DTD1: variants seen among roughly 807,000 people sequenced by gnomAD.
DTD1 encodes the protein D-aminoacyl-tRNA deacylase 1.
Under a neutral mutation model 25.6 loss-of-function variants are expected in DTD1, and 13 were observed. That is an observed-to-expected ratio of 0.51 (90% CI 0.33 to 0.81). The LOEUF (loss-of-function observed/expected upper bound fraction) is 0.81, where lower values mean the gene tolerates loss of function less well. Ranked by LOEUF, DTD1 falls within the 30% of genes least tolerant of loss-of-function variation. The probability of loss-of-function intolerance (pLI) is 0.02; values close to 1 mark genes in which losing one functional copy is unlikely to be tolerated. For missense variants in DTD1, 193 were observed against 266.4 expected, an observed-to-expected ratio of 0.72 and a Z score of 1.92; for synonymous variants, 110 against 103.6, an observed-to-expected ratio of 1.06 and a Z score of -0.37.
intron 4 of DTD1, among the ~76,000 whole-genome samples, chr20:18,670,869 G>GT (rs1568664099): frequency 6.6e-6 from 1 of 152,204 alleles, no homozygotes; most frequent in Non-Finnish European, 1.5e-5. Context: ...ACAGAAAAAC[G>GT]TGAGTCTCAA....
Position 18,698,272 on chromosome 20 carries a change from A to G in DTD1, c.478-45828A>G, listed in dbSNP as rs369097416. ...ATATTAAACACATGTACACTGGGCAATAGAGTCTGTCGAACCCCTATGTGT... is the reference window on the plus strand; with the variant it reads ...ATATTAAACACATGTACACTGGGCAGTAGAGTCTGTCGAACCCCTATGTGT... On this transcript the variant is annotated intron_variant, in intron 4 of 5. Transcript: ENST00000377452. Among the ~76,000 whole-genome samples the G allele has an allele frequency of 3.9e-5, 6 of 152,362 alleles. No homozygotes were observed. The South Asian group carries it at 6.2e-4, about 16-fold the overall frequency.
intron 4 of DTD1, among the ~76,000 whole-genome samples, chr20:18,683,978 A>G (rs1394385573): frequency 6.6e-6 from 1 of 152,110 alleles, no homozygotes; most frequent in Non-Finnish European, 1.5e-5. Context: ...AGTAGGAGCA[A>G]TTCCTTTTTC....
At chr20:18,612,488 T>A (rs1434846778) in intron 3 of DTD1, among the ~76,000 whole-genome samples, 1 of 152,140 alleles carries the variant, frequency 6.6e-6, no homozygotes, top group Non-Finnish European at 1.5e-5. Context: ...TGAGGATTAC[T>A]GCCATTCTGT....
chr20:18,732,540 A>G (rs2061242123), intron 4 of DTD1, among the ~76,000 whole-genome samples: 1 of 152,222 alleles, frequency 6.6e-6, no homozygotes, highest in Non-Finnish European at 1.5e-5. Context: ...GGAAATGGTT[A>G]CTTCTGTCCT....
chr20:18,599,321 C>T (rs2060624355), intron 3 of DTD1, among the ~76,000 whole-genome samples: 1 of 151,868 alleles, frequency 6.6e-6, no homozygotes, highest in African/African-American at 2.4e-5. Context: ...ATTACAGGTG[C>T]GTGCCACCAC....
intron 4 of DTD1, among the ~76,000 whole-genome samples, chr20:18,730,708 A>G (rs2061236859): frequency 6.6e-6 from 1 of 152,198 alleles, no homozygotes; most frequent in Admixed American, 6.5e-5. Flanking sequence ...TGGCATTTGT[A>G]TAACTCATTT....
chr20:18,728,057 G>A lies in DTD1; in HGVS notation c.478-16043G>A, dbSNP rs1019705645. Reference sequence around the variant, plus strand: ...AGGAACATTGTGAGTGTGTGGGATAGGGGATGGGAGGGGCATGGGTAGGAC... The same window carrying A: ...AGGAACATTGTGAGTGTGTGGGATAAGGGATGGGAGGGGCATGGGTAGGAC... On this transcript the variant is annotated intron_variant, in intron 4 of 5. Coordinates refer to ENST00000377452, the MANE Select transcript of DTD1 (RefSeq NM_080820.6). Among the ~76,000 whole-genome samples the A allele has an allele frequency of 1.6e-4, 25 of 152,212 alleles. 1 individual carries two copies. Among genetic ancestry groups the A allele is most frequent in the Non-Finnish European group, 2.9e-5 (2 of 68,038 alleles).
chr20:18,613,849 G>A (rs2060698357), intron 3 of DTD1, among the ~76,000 whole-genome samples: 1 of 152,176 alleles, frequency 6.6e-6, no homozygotes, highest in Admixed American at 6.5e-5. Context: ...CCCATGCAGA[G>A]TGTTGTTGAT....
chr20:18,763,155 A>C (rs2061369338), intron 5 of DTD1, among the ~76,000 whole-genome samples: 1 of 152,178 alleles, frequency 6.6e-6, no homozygotes, highest in South Asian at 2.1e-4. Flanking sequence ...AATGAACTGG[A>C]GACTCTTTGA....
At chr20:18,658,677 C>T (rs534589274) in intron 4 of DTD1, among the ~76,000 whole-genome samples, 7 of 152,330 alleles carry the variant, frequency 4.6e-5, no homozygotes, top group African/African-American at 1.4e-4. Context: ...AGAGGAAGAT[C>T]TCTGACTTTA....
At chr20:18,752,846 G>T (rs2091812062) in intron 5 of DTD1, among the ~76,000 whole-genome samples, 1 of 152,122 alleles carries the variant, frequency 6.6e-6, no homozygotes, top group African/African-American at 2.4e-5. Context: ...TGTCATTCTG[G>T]TTTTTTATTA....
intron 4 of DTD1, among the ~76,000 whole-genome samples, chr20:18,684,266 T>G (rs551414295): frequency 9.2e-5 from 14 of 151,764 alleles, no homozygotes; most frequent in Non-Finnish European, 1.8e-4. Flanking sequence ...TAGTTCATGC[T>G]CACCTCCAGC....
At chr20:18,736,086 G>A (rs1239633679) in intron 4 of DTD1, among the ~76,000 whole-genome samples, 1 of 152,050 alleles carries the variant, frequency 6.6e-6, no homozygotes, top group Non-Finnish European at 1.5e-5. Context: ...AGGGATTTCC[G>A]GGCACCTGTG....
chr20:18,632,410 A>G (rs2122321527), intron 4 of DTD1: 1 of 985,494 alleles, frequency 1.0e-6, no homozygotes, highest in Non-Finnish European at 1.2e-6. Flanking sequence ...GGGTAGGCGC[A>G]GAAGCGGCCT....
At chr20:18,640,891 A>G (rs1264062463) in intron 4 of DTD1, among the ~76,000 whole-genome samples, 6 of 152,302 alleles carry the variant, frequency 3.9e-5, no homozygotes, top group South Asian at 2.1e-4. Flanking sequence ...TCGGCCTCCC[A>G]AAGTGCTGGG....
chr20:18,741,386 C>T (rs138118501), intron 4 of DTD1, among the ~76,000 whole-genome samples: 1 of 152,306 alleles, frequency 6.6e-6, no homozygotes, highest in Non-Finnish European at 1.5e-5. Context: ...CATTCTGACA[C>T]GAGCATCTTA....
At chr20:18,763,085 C>CT in intron 5 of DTD1, among the ~76,000 whole-genome samples, 1 of 152,094 alleles carries the variant, frequency 6.6e-6, no homozygotes, top group Non-Finnish European at 1.5e-5. Flanking sequence ...GATGCAAAAG[C>CT]CATTTAGAAG....
chr20:18,635,068 A>G (rs1600334371), intron 4 of DTD1, among the ~76,000 whole-genome samples: 1 of 152,110 alleles, frequency 6.6e-6, no homozygotes, highest in African/African-American at 2.4e-5. Context: ...CTAGCTCCCT[A>G]ATTGTGGTTG....
intron 4 of DTD1, among the ~76,000 whole-genome samples, chr20:18,637,121 G>T (rs944637240): frequency 2.0e-4 from 31 of 152,116 alleles, no homozygotes; most frequent in African/African-American, 5.3e-4. Flanking sequence ...GTTTCTTCTG[G>T]ACCACCCTGC....
Sources: allele counts gnomAD v4.1 joint callset (sites outside exome capture counted in the v4.1 genomes callset), GRCh38; gene constraint gnomAD v4.1.1; transcripts MANE v1.5; gene names NCBI Gene and HGNC (gene_info 2026-07-23, HGNC 2026-07-21).